MRPL45: variants seen among roughly 807,000 people sequenced by gnomAD.
MRPL45 encodes the protein mitochondrial ribosomal protein L45.
In MRPL45, 20 loss-of-function variants were observed where a neutral mutation model predicts 38.1. That is an observed-to-expected ratio of 0.53 (90% confidence interval 0.37 to 0.76). The LOEUF (loss-of-function observed/expected upper bound fraction) is 0.76, where lower values mean the gene tolerates loss of function less well. MRPL45 is among the 30% of genes least tolerant of loss of function. The probability of loss-of-function intolerance (pLI) is 0.00; values close to 1 mark genes in which losing one functional copy is unlikely to be tolerated. For synonymous variants in MRPL45, 105 were observed against 128.8 expected (o/e 0.82, Z 1.25); for missense variants, 337 against 395.6 (o/e 0.85, Z 1.26).
intron 4 of MRPL45, among the ~76,000 whole-genome samples, chr17:38,310,959 C>T (rs567145701): frequency 6.6e-6 from 1 of 152,080 alleles, no homozygotes; most frequent in Non-Finnish European, 1.5e-5. Context: ...AAATCTAAGA[C>T]AATCATTTAT....
At chr17:38,308,004 A>C (rs1210305747) in intron 4 of MRPL45, among the ~76,000 whole-genome samples, 2 of 151,872 alleles carry the variant, frequency 1.3e-5, no homozygotes, top group Non-Finnish European at 2.9e-5. Flanking sequence ...TCCGGGGCTC[A>C]AGCGATCCTC....
chr17:38,311,438 A>T (rs1488953621), intron 4 of MRPL45, among the ~76,000 whole-genome samples: 1 of 152,138 alleles, frequency 6.6e-6, no homozygotes, highest in Non-Finnish European at 1.5e-5. Flanking sequence ...CTATAATCCC[A>T]GCACTTTGGG....
intron 3 of MRPL45, among the ~76,000 whole-genome samples, chr17:38,303,290 AT>A (rs776250748): frequency 0.016 from 1,639 of 103,448 alleles, 11 homozygotes; most frequent in African/African-American, 0.059. Flanking sequence ...AAAACATTAA[AT>A]TTTTTTTTTT....
intron 5 of MRPL45, among the ~76,000 whole-genome samples, chr17:38,319,907 C>G (rs1181203471): frequency 6.6e-6 from 1 of 151,586 alleles, no homozygotes; most frequent in African/African-American, 2.4e-5. Context: ...TCAAGACCAT[C>G]CTGGCTAACA....
chr17:38,301,128 C>T (rs1244209835), intron 3 of MRPL45, among the ~76,000 whole-genome samples: 1 of 152,096 alleles, frequency 6.6e-6, no homozygotes. Flanking sequence ...TTTTCTCATC[C>T]TAAATTTTAG....
Position 38,297,210 on chromosome 17 carries a change from C to G in MRPL45, c.27C>G (p.Phe9Leu). 1 of 1,614,220 alleles carries G rather than the reference C, an allele frequency of 6.2e-7. No homozygotes were observed. Among genetic ancestry groups the G allele is most frequent in the Non-Finnish European group, 8.5e-7 (1 of 1,180,048 alleles). The change falls in exon 1 of 8, where the codon TTC (phenylalanine) becomes TTG (leucine). Residue 9 changes from phenylalanine to leucine, a missense_variant. Physicochemically the swap from Phe to Leu is conservative, Grantham distance 22. This residue lies in a region of MRPL45 where 26 missense variants were observed against 16.9 expected (regional missense o/e 1.54). Transcript: ENST00000613675. MAAPIPQGFSCLSRFLGWW... is the reference protein window; with the variant it reads MAAPIPQGLSCLSRFLGWW... ...TGGCAGCCCCCATACCTCAAGGGTT[C>G]TCTTGTTTATCGAGGTTTTTGGGCT...
At chr17:38,304,774 C>A (rs1187585748) in intron 3 of MRPL45, among the ~76,000 whole-genome samples, 2 of 151,910 alleles carry the variant, frequency 1.3e-5, no homozygotes, top group Non-Finnish European at 2.9e-5. Context: ...GAACTCCTGA[C>A]CTTGTGATCA....
chr17:38,306,110 A>G (rs2037051040), intron 3 of MRPL45, among the ~76,000 whole-genome samples: 1 of 151,880 alleles, frequency 6.6e-6, no homozygotes, highest in Non-Finnish European at 1.5e-5. Context: ...GACTTGACAC[A>G]TTAAAAAATC....
chr17:38,318,827 CTTTTTTTTT>C, intron 5 of MRPL45, 92 bp downstream of exon 5: 1 of 119,798 alleles, frequency 8.3e-6, no homozygotes, highest in South Asian at 2.7e-4. Flanking sequence ...CTTTTCTTTT[CTTTTTTTTT>C]TTTTTTTTGA....
intron 6 of MRPL45, among the ~76,000 whole-genome samples, chr17:38,321,699 A>T (rs1384333950): frequency 6.6e-6 from 1 of 151,436 alleles, no homozygotes; most frequent in Admixed American, 6.6e-5. Flanking sequence ...CAAAAAAAAA[A>T]AATTTAAAAA....
At chr17:38,300,591 TG>T in intron 3 of MRPL45, among the ~76,000 whole-genome samples, 1 of 152,318 alleles carries the variant, frequency 6.6e-6, no homozygotes, top group South Asian at 2.1e-4. Flanking sequence ...TATAGGTTTA[TG>T]TGCATAAGTA....
At chr17:38,303,364 C>T (rs191823004) in intron 3 of MRPL45, among the ~76,000 whole-genome samples, 9 of 126,990 alleles carry the variant, frequency 7.1e-5, no homozygotes, top group African/African-American at 1.9e-4. Flanking sequence ...ATGGTATGAT[C>T]TTGGCTCACT....
chr17:38,309,497 C>T (rs1378745498), intron 4 of MRPL45, among the ~76,000 whole-genome samples: 6 of 146,028 alleles, frequency 4.1e-5, no homozygotes, highest in Non-Finnish European at 8.9e-5. Flanking sequence ...ACTCAAGCCA[C>T]GACAACAGAG....
intron 4 of MRPL45, among the ~76,000 whole-genome samples, chr17:38,316,172 C>G (rs2037171306): frequency 6.6e-6 from 1 of 151,954 alleles, no homozygotes; most frequent in African/African-American, 2.4e-5. Flanking sequence ...TCCCACAGGT[C>G]CCTCAAGGTT....
At chr17:38,305,648 C>CTTT (rs769373843) in intron 3 of MRPL45, among the ~76,000 whole-genome samples, 2 of 136,282 alleles carry the variant, frequency 1.5e-5, no homozygotes, top group African/African-American at 2.7e-5. Flanking sequence ...CCATGCCCAG[C>CTTT]TTTTTTTTTT....
At chr17:38,313,333 C>CAT (rs1555562014) in intron 4 of MRPL45, among the ~76,000 whole-genome samples, 5 of 17,252 alleles carry the variant, frequency 2.9e-4, no homozygotes, top group African/African-American at 1.1e-3. Flanking sequence ...TATATATATA[C>CAT]ATATATATAT....
chr17:38,311,025 A>G (rs2037106848), intron 4 of MRPL45, among the ~76,000 whole-genome samples: 1 of 152,174 alleles, frequency 6.6e-6, no homozygotes, highest in Non-Finnish European at 1.5e-5. Flanking sequence ...AAATACACAT[A>G]ATATACAATT....
chr17:38,317,067 A>T (rs2037181480), intron 4 of MRPL45, among the ~76,000 whole-genome samples: 1 of 152,186 alleles, frequency 6.6e-6, no homozygotes, highest in African/African-American at 2.4e-5. Context: ...AAGTGCTGGG[A>T]TTACAGGCAT....
intron 4 of MRPL45, among the ~76,000 whole-genome samples, chr17:38,314,019 TTTATA>T (rs1244217095): frequency 6.6e-6 from 1 of 152,236 alleles, no homozygotes; most frequent in African/African-American, 2.4e-5. Context: ...ATAGGAGTTC[TTTATA>T]TATTTTGGAT....
Sources: allele counts gnomAD v4.1 joint callset (sites outside exome capture counted in the v4.1 genomes callset), GRCh38; gene constraint gnomAD v4.1.1; regional missense constraint gnomAD v4.1.1; transcripts MANE v1.5; gene names NCBI Gene and HGNC (gene_info 2026-07-23, HGNC 2026-07-21).